Variants in VPS54 observed in about 807,000 individuals in gnomAD.
The protein encoded by VPS54 is vacuolar protein sorting-associated protein 54.
A neutral mutation model predicts 121.5 loss-of-function variants in VPS54; 45 were observed. That is an observed-to-expected ratio of 0.37 (90% CI 0.29 to 0.47). The LOEUF is 0.47. VPS54 is among the 20% of genes least tolerant of loss of function. The pLI is 0.99. For missense variants in VPS54, 1,090 were observed against 1,131.4 expected, an observed-to-expected ratio of 0.96 and a Z score of 0.52; for synonymous variants, 371 against 385.8, an observed-to-expected ratio of 0.96 and a Z score of 0.45.
At chr2:63,968,651 G>A (rs146471169) in intron 5 of VPS54, among the ~76,000 whole-genome samples, 290 of 152,188 alleles carry the variant, frequency 1.9e-3, no homozygotes, top group Middle Eastern at 3.4e-3. Flanking sequence ...CCCAGGAGAC[G>A]GAGGTTACAG....
chr2:63,990,094 G>T (rs994613886), intron 1 of VPS54, among the ~76,000 whole-genome samples: 2 of 152,100 alleles, frequency 1.3e-5, no homozygotes, highest in Admixed American at 1.3e-4. Context: ...TACCAATCCC[G>T]TGACCCCCTA....
intron 1 of VPS54, among the ~76,000 whole-genome samples, chr2:64,001,392 C>T (rs1677871829): frequency 6.6e-6 from 1 of 152,182 alleles, no homozygotes; most frequent in Non-Finnish European, 1.5e-5. Flanking sequence ...ACCTAAGATA[C>T]AAGACAAAGT....
chr2:63,920,367 G>T, intron 14 of VPS54, 79 bp downstream of exon 14: 1 of 1,300,444 alleles, frequency 7.7e-7, no homozygotes, highest in Non-Finnish European at 1.0e-6. Flanking sequence ...GGCCAATTAG[G>T]TTTCCTCTTT....
rs1463360187 is a variant in VPS54, at chr2:63,976,818, ATCTTC to A, written c.379-4579_379-4575del. On this transcript the variant is annotated intron_variant, in intron 3 of 22. Coordinates refer to ENST00000272322, the MANE Select transcript of VPS54 (RefSeq NM_016516.3). ...TTCATTTTTGATACTAGTAGCTTAT[ATCTTC>A]TCTTTTTTTTTTTTTTTTTTTTTGA... Among the ~76,000 whole-genome samples the A allele has an allele frequency of 1.5e-3, 199 of 129,784 alleles. 2 individuals carry two copies. Among genetic ancestry groups the A allele is most frequent in the African/African-American group, 5.6e-3 (190 of 33,676 alleles). The allele number at this position is 129,784 out of a possible 152,430, so 85.1% of individuals were successfully genotyped here. A position where few individuals can be genotyped will look rare whatever the true frequency, so the allele number is the denominator to read the frequency against.
chr2:63,983,721 C>T (rs1395971044), intron 2 of VPS54, 143 bp downstream of exon 2: 10 of 1,035,208 alleles, frequency 9.7e-6, no homozygotes, highest in South Asian at 4.1e-5. Flanking sequence ...GGATTACAGG[C>T]GTGAGCCACC....
chr2:63,992,838 A>C (rs1003655632), intron 1 of VPS54, among the ~76,000 whole-genome samples: 1 of 152,218 alleles, frequency 6.6e-6, no homozygotes, highest in African/African-American at 2.4e-5. Flanking sequence ...GCTTTACATA[A>C]ATCAGATTGT....
chr2:63,948,316 A>ATGTATT (rs1196627176), intron 8 of VPS54, among the ~76,000 whole-genome samples: 1 of 151,594 alleles, frequency 6.6e-6, no homozygotes, highest in African/African-American at 2.4e-5. Flanking sequence ...CCTGGATATT[A>ATGTATT]TGTATTTGTA....
At chr2:63,987,034 T>C (rs1042560920) in intron 1 of VPS54, among the ~76,000 whole-genome samples, 4 of 152,212 alleles carry the variant, frequency 2.6e-5, no homozygotes, top group African/African-American at 9.6e-5. Context: ...CTCCTCACTT[T>C]GTTGTTTCCT....
chr2:63,908,338 C>G, intron 20 of VPS54, among the ~76,000 whole-genome samples: 1 of 152,030 alleles, frequency 6.6e-6, no homozygotes, highest in East Asian at 1.9e-4. Context: ...TATAATTCTA[C>G]TTAGAGGATA....
At chr2:63,995,231 G>A (rs917688881) in intron 1 of VPS54, among the ~76,000 whole-genome samples, 2 of 152,222 alleles carry the variant, frequency 1.3e-5, no homozygotes, top group African/African-American at 4.8e-5. Context: ...ACAAAGAGTT[G>A]TGTTAAGCCT....
chr2:64,005,083 T>C (rs866698628), intron 1 of VPS54, among the ~76,000 whole-genome samples: 1 of 140,206 alleles, frequency 7.1e-6, no homozygotes, highest in Non-Finnish European at 1.5e-5. Flanking sequence ...CAGTCTACTA[T>C]TGCTTCTTTT....
In VPS54 at chr2:63,981,801, C is replaced by T; in HGVS notation, c.223G>A (p.Ala75Thr). The change falls in exon 3 of 23, where the codon GCA becomes ACA. Residue 75 changes from alanine to threonine, a missense_variant. By Grantham distance (58) the Ala-to-Thr change is moderately conservative (BLOSUM62 0). Around this residue, in one of 2 missense-constraint regions of VPS54, gnomAD observed 801 missense variants for 757.0 expected, o/e 1.06. Coordinates refer to ENST00000272322, the MANE Select transcript of VPS54 (RefSeq NM_016516.3). Reference sequence around the variant, plus strand: ...GCTAATCTAGGATCGTTTAATGCTGCTGGGAGATTTACTTTGGAATGATAT... The same window carrying T: ...GCTAATCTAGGATCGTTTAATGCTGTTGGGAGATTTACTTTGGAATGATAT... Reference protein sequence around the residue: ...TVYHSKVNLPAALNDPRLAKR... With the variant: ...TVYHSKVNLPTALNDPRLAKR... 6.2e-7 allele frequency: 1 copy of T among 1,613,690 alleles called. No individual in the cohort carries two copies. The highest frequency in any genetic ancestry group is 8.5e-7 in the Non-Finnish European group (1 of 1,179,796).
chr2:63,941,972 T>G (rs1165259616), intron 11 of VPS54, among the ~76,000 whole-genome samples: 1 of 144,714 alleles, frequency 6.9e-6, no homozygotes, highest in East Asian at 2.0e-4. Context: ...AGGGAGAAGT[T>G]GCGGTGAGCC....
At chr2:63,893,819 G>A (rs1056071198) in intron 22 of VPS54, among the ~76,000 whole-genome samples, 4 of 152,178 alleles carry the variant, frequency 2.6e-5, no homozygotes, top group Non-Finnish European at 4.4e-5. Flanking sequence ...GAAACAGCAT[G>A]AATTAATATA....
chr2:64,001,538 C>T (rs1202003153), intron 1 of VPS54, among the ~76,000 whole-genome samples: 1 of 152,138 alleles, frequency 6.6e-6, no homozygotes, highest in African/African-American at 2.4e-5. Context: ...ACGTGGTTAT[C>T]ACTGCTAGTT....
At chr2:64,014,271 C>T (rs929740959) in intron 1 of VPS54, among the ~76,000 whole-genome samples, 1 of 152,054 alleles carries the variant, frequency 6.6e-6, no homozygotes, top group African/African-American at 2.4e-5. Flanking sequence ...GGGAATTAAT[C>T]CAAATAACGA....
At chr2:63,934,094 A>C (rs992051016) in intron 11 of VPS54, 81 bp from the exon 12 acceptor site, 5 of 1,231,632 alleles carry the variant, frequency 4.1e-6, no homozygotes, top group South Asian at 1.5e-5. Flanking sequence ...CTGTGCATGT[A>C]ATTTTGGACA....
chr2:63,954,915 T>G (rs1237174363), intron 7 of VPS54, among the ~76,000 whole-genome samples: 2 of 151,958 alleles, frequency 1.3e-5, no homozygotes, highest in Non-Finnish European at 2.9e-5. Context: ...AAAAAACACT[T>G]GAGACATATC....
chr2:63,996,349 C>T (rs1677590087), intron 1 of VPS54, among the ~76,000 whole-genome samples: 3 of 152,154 alleles, frequency 2.0e-5, no homozygotes, highest in South Asian at 4.1e-4. Flanking sequence ...TTTCCTATGC[C>T]TGTCTTTACT....
Sources: gnomAD v4.1 joint callset for allele counts (sites outside exome capture counted in the v4.1 genomes callset) on GRCh38, gnomAD v4.1.1 for gene constraint, gnomAD v4.1.1 regional missense constraint, MANE v1.5 for transcripts, NCBI Gene and HGNC (gene_info 2026-07-23, HGNC 2026-07-21) for gene names.